The following GRIK2 variants were observed in gnomAD, a reference collection of about 807,000 sequenced individuals.
GRIK2 encodes the protein glutamate receptor ionotropic, kainate 2.
Under a neutral mutation model 100.3 loss-of-function variants are expected in GRIK2, and 32 were observed. The ratio of observed to expected loss-of-function variants is 0.32; its 90% CI spans 0.24 to 0.43. GRIK2 has a LOEUF of 0.43. Ranked by LOEUF, GRIK2 falls within the 20% of genes least tolerant of loss-of-function variation. The probability of loss-of-function intolerance (pLI) is 1.00; values close to 1 mark genes in which losing one functional copy is unlikely to be tolerated. For missense variants in GRIK2, 843 were observed against 1,114.9 expected, an observed-to-expected ratio of 0.76 and a Z score of 3.47; for synonymous variants, 417 against 389.4, an observed-to-expected ratio of 1.07 and a Z score of -0.83.
At chr6:101,789,420 A>G (rs962705660) in intron 7 of GRIK2, among the ~76,000 whole-genome samples, 5 of 152,292 alleles carry the variant, frequency 3.3e-5, no homozygotes, top group African/African-American at 7.2e-5. Flanking sequence ...AGCTTTCTAC[A>G]TATGGCTAGC....
chr6:101,952,114 G>C (rs1213683742), intron 14 of GRIK2, among the ~76,000 whole-genome samples: 1 of 152,148 alleles, frequency 6.6e-6, no homozygotes, highest in African/African-American at 2.4e-5. Flanking sequence ...CTCCATTTCA[G>C]CAATTTTGTC....
intron 11 of GRIK2, among the ~76,000 whole-genome samples, chr6:101,871,557 G>T (rs1363359307): frequency 6.6e-6 from 1 of 151,818 alleles, no homozygotes; most frequent in Non-Finnish European, 1.5e-5. Flanking sequence ...AATCCCCAGT[G>T]TCTATTGTAC....
chr6:101,988,832 G>T (rs564719186), intron 14 of GRIK2, among the ~76,000 whole-genome samples: 1 of 151,926 alleles, frequency 6.6e-6, no homozygotes, highest in Admixed American at 6.6e-5. Flanking sequence ...TAGATTTCAA[G>T]ATTTATTTTT....
At chr6:101,766,135 T>G (rs766372199) in intron 7 of GRIK2, among the ~76,000 whole-genome samples, 4 of 152,050 alleles carry the variant, frequency 2.6e-5, no homozygotes, top group Non-Finnish European at 4.4e-5. Flanking sequence ...ATGAACAAAG[T>G]CCAGCATCAT....
intron 11 of GRIK2, among the ~76,000 whole-genome samples, chr6:101,863,284 T>C (rs910409050): frequency 1.3e-5 from 2 of 152,224 alleles, no homozygotes; most frequent in African/African-American, 2.4e-5. Context: ...GATTACAGTA[T>C]ATAATTTCAA....
intron 7 of GRIK2, among the ~76,000 whole-genome samples, chr6:101,777,679 T>C (rs954012601): frequency 8.5e-5 from 13 of 152,208 alleles, no homozygotes; most frequent in Non-Finnish European, 1.8e-4. Context: ...TATTAGACCA[T>C]GCAGCTCTTT....
At chr6:101,632,982 A>T (rs1246685921) in intron 4 of GRIK2, among the ~76,000 whole-genome samples, 1 of 152,156 alleles carries the variant, frequency 6.6e-6, no homozygotes, top group African/African-American at 2.4e-5. Context: ...AGTGTGCAAC[A>T]TGTGTAAATG....
chr6:102,050,756 GGGAAAAAA>G (rs1308822535), intron 15 of GRIK2, among the ~76,000 whole-genome samples: 3 of 150,608 alleles, frequency 2.0e-5, no homozygotes, highest in Non-Finnish European at 4.4e-5. Context: ...AAAGTAGGGA[GGGAAAAAA>G]GGAGAAAAGG....
At chr6:101,750,064 C>G (rs1316582879) in intron 7 of GRIK2, among the ~76,000 whole-genome samples, 1 of 151,868 alleles carries the variant, frequency 6.6e-6, no homozygotes, top group Non-Finnish European at 1.5e-5. Flanking sequence ...ATCCTTCTGC[C>G]TAGGCCTCCC....
chr6:101,503,681 A>G (rs1286745246), intron 2 of GRIK2, among the ~76,000 whole-genome samples: 3 of 152,166 alleles, frequency 2.0e-5, no homozygotes, highest in African/African-American at 4.8e-5. Flanking sequence ...TTCATGATTT[A>G]TGTAAATTTT....
At position 101,686,172 on chromosome 6, in the gene GRIK2, T is replaced by C; in HGVS notation, c.778-8T>C. 6.2e-7 allele frequency: 1 copy of C among 1,603,856 alleles called. No homozygotes were observed. Among genetic ancestry groups the C allele is most frequent in the Non-Finnish European group, 8.5e-7 (1 of 1,172,086 alleles). On this transcript the variant is annotated splice_region_variant and splice_polypyrimidine_tract_variant and intron_variant, in intron 6 of 16. Transcript: ENST00000369134. ...CATAATAACAACACAATAACATTTG[T>C]CTTTCAGGACCTCTTTGCTCTTGAT...
At chr6:101,800,887 A>G (rs533451965) in intron 8 of GRIK2, among the ~76,000 whole-genome samples, 46 of 152,172 alleles carry the variant, frequency 3.0e-4, no homozygotes, top group Admixed American at 5.2e-4. Context: ...CAGTTGTATG[A>G]CATTCCCCAT....
At chr6:101,437,483 G>A (rs1390998941) in intron 2 of GRIK2, among the ~76,000 whole-genome samples, 1 of 152,052 alleles carries the variant, frequency 6.6e-6, no homozygotes, top group African/African-American at 2.4e-5. Context: ...CTTTGTTGCT[G>A]TAGACTAAAT....
chr6:101,591,304 T>G (rs1446144008), intron 2 of GRIK2, among the ~76,000 whole-genome samples: 1 of 151,834 alleles, frequency 6.6e-6, no homozygotes, highest in African/African-American at 2.4e-5. Flanking sequence ...TTTTTGCTCT[T>G]CTAATGCCGA....
intron 2 of GRIK2, among the ~76,000 whole-genome samples, chr6:101,410,537 A>T (rs1427590980): frequency 6.6e-6 from 1 of 152,072 alleles, no homozygotes; most frequent in Non-Finnish European, 1.5e-5. Flanking sequence ...GATCTAGCCC[A>T]GTGTTGGGGG....
rs148302724 is a variant in GRIK2 at position 101,994,035 on chromosome 6, A to G, written c.2086-41306A>G. Among the ~76,000 whole-genome samples the G allele has an allele frequency of 1.3e-4, 19 of 148,654 alleles. No homozygotes were observed. In the East Asian group the frequency reaches 3.5e-3, roughly 28 times the overall value. On this transcript the variant is annotated intron_variant, in intron 14 of 16. Coordinates refer to ENST00000369134, the MANE Select transcript of GRIK2 (RefSeq NM_021956.5). ...GTGTATATAAATATATACATTATAT[A>G]CAGATATATACATTAATATACATTA... is the stretch of plus-strand genomic sequence containing the variant.
intron 14 of GRIK2, among the ~76,000 whole-genome samples, chr6:101,957,522 T>G (rs1158688137): frequency 4.0e-5 from 6 of 151,852 alleles, no homozygotes; most frequent in African/African-American, 1.4e-4. Context: ...GCAGACACTT[T>G]CTAGTTTAAG....
chr6:101,817,748 T>C (rs2852576), intron 9 of GRIK2, among the ~76,000 whole-genome samples: 30,150 of 152,156 alleles, frequency 0.2, 4,879 homozygotes, highest in East Asian at 0.65. Flanking sequence ...TCATATTAAA[T>C]GGATCACAGA....
intron 5 of GRIK2, among the ~76,000 whole-genome samples, chr6:101,681,846 A>G (rs1360531316): frequency 6.6e-6 from 1 of 152,156 alleles, no homozygotes; most frequent in African/African-American, 2.4e-5. Context: ...ACTGCTGTTC[A>G]TTGATAAGCA....
Sources: allele counts gnomAD v4.1 joint callset (sites outside exome capture counted in the v4.1 genomes callset), GRCh38; gene constraint gnomAD v4.1.1; transcripts MANE v1.5; gene names NCBI Gene and HGNC (gene_info 2026-07-23, HGNC 2026-07-21).